CNTNAP2: variants seen among roughly 807,000 people sequenced by gnomAD.
The protein encoded by CNTNAP2 is contactin associated protein 2.
In CNTNAP2, 98 loss-of-function variants were observed where a neutral mutation model predicts 155.2. That is an observed-to-expected ratio of 0.63 (90% CI 0.54 to 0.75). The LOEUF is 0.75. Ranked by LOEUF, CNTNAP2 falls within the 30% of genes least tolerant of loss-of-function variation. The probability of loss-of-function intolerance (pLI) is 0.00; values close to 1 mark genes in which losing one functional copy is unlikely to be tolerated. For synonymous variants in CNTNAP2, 651 were observed against 631.2 expected (o/e 1.03, Z -0.47); for missense variants, 1,727 against 1,688.1 (o/e 1.02, Z -0.40).
intron 21 of CNTNAP2, among the ~76,000 whole-genome samples, chr7:148,284,808 T>G (rs1797052949): frequency 6.6e-6 from 1 of 152,050 alleles, no homozygotes; most frequent in South Asian, 2.1e-4. Flanking sequence ...CAAATTGGAA[T>G]AAAAAGAAAT....
At chr7:147,823,012 A>G (rs1563101543) in intron 13 of CNTNAP2, among the ~76,000 whole-genome samples, 1 of 152,198 alleles carries the variant, frequency 6.6e-6, no homozygotes, top group Non-Finnish European at 1.5e-5. Flanking sequence ...CTGATTCTGG[A>G]TAATAAAGCT....
chr7:147,631,959 A>G (rs968253867), intron 12 of CNTNAP2, among the ~76,000 whole-genome samples: 20 of 152,324 alleles, frequency 1.3e-4, no homozygotes, highest in African/African-American at 4.8e-4. Flanking sequence ...AAGCAAATGC[A>G]CCAAAAACAA....
intron 11 of CNTNAP2, among the ~76,000 whole-genome samples, chr7:147,526,333 G>C (rs1799318725): frequency 6.6e-6 from 1 of 152,082 alleles, no homozygotes; most frequent in African/African-American, 2.4e-5. Context: ...TTTCTCTTGT[G>C]GACTAAGGAG....
intron 1 of CNTNAP2, among the ~76,000 whole-genome samples, chr7:146,410,065 C>T (rs1563073610): frequency 6.6e-6 from 1 of 152,134 alleles, no homozygotes; most frequent in Non-Finnish European, 1.5e-5. Flanking sequence ...AGTAAAGTAT[C>T]TATTCCAACT....
intron 3 of CNTNAP2, among the ~76,000 whole-genome samples, chr7:146,950,656 G>T (rs932756590): frequency 3.9e-5 from 6 of 152,098 alleles, no homozygotes; most frequent in African/African-American, 1.4e-4. Flanking sequence ...ATATTCCATG[G>T]TGTATATGTG....
At chr7:146,831,563 C>G (rs1234144821) in intron 2 of CNTNAP2, among the ~76,000 whole-genome samples, 3 of 149,372 alleles carry the variant, frequency 2.0e-5, no homozygotes, top group Non-Finnish European at 4.4e-5. Flanking sequence ...GTAATCCCAG[C>G]TACTTGGGAG....
intron 13 of CNTNAP2, among the ~76,000 whole-genome samples, chr7:147,861,999 C>CAAAAAAAAAAAAAAAAAAAAAAAAAA (rs57139075): frequency 2.1e-5 from 2 of 94,962 alleles, no homozygotes; most frequent in Non-Finnish European, 2.1e-5. Context: ...CTCCATCTCA[C>CAAAAAAAAAAAAAAAAAAAAAAAAAA]AAAAAAAAAA....
At chr7:146,688,941 T>C (rs1319550275) in intron 1 of CNTNAP2, among the ~76,000 whole-genome samples, 1 of 152,140 alleles carries the variant, frequency 6.6e-6, no homozygotes, top group African/African-American at 2.4e-5. Flanking sequence ...AAAACTAAGA[T>C]ATTTAGCTAT....
chr7:148,087,067 A>C (rs183344497), intron 15 of CNTNAP2, among the ~76,000 whole-genome samples: 76 of 152,260 alleles, frequency 5.0e-4, no homozygotes, highest in African/African-American at 1.8e-3. Context: ...CTAGGAGATA[A>C]TGCATTGAGT....
chr7:146,525,051 A>G (rs1021128855), intron 1 of CNTNAP2, among the ~76,000 whole-genome samples: 7 of 152,124 alleles, frequency 4.6e-5, no homozygotes, highest in African/African-American at 1.7e-4. Flanking sequence ...ACTATTTTCT[A>G]GAATAAAAAG....
At chr7:148,068,801 G>T (rs1297430387) in intron 15 of CNTNAP2, among the ~76,000 whole-genome samples, 1 of 152,170 alleles carries the variant, frequency 6.6e-6, no homozygotes, top group Non-Finnish European at 1.5e-5. Flanking sequence ...TGTTCCCTCA[G>T]CTCCTTTCAG....
At chr7:148,306,630 T>A (rs1797496527) in intron 21 of CNTNAP2, among the ~76,000 whole-genome samples, 2 of 152,150 alleles carry the variant, frequency 1.3e-5, no homozygotes, top group African/African-American at 2.4e-5. Flanking sequence ...ATGTTCCTTT[T>A]TTTAAATCAT....
chr7:146,166,794 TAGA>T (rs1798318514), intron 1 of CNTNAP2, among the ~76,000 whole-genome samples: 2 of 152,280 alleles, frequency 1.3e-5, no homozygotes, highest in African/African-American at 2.4e-5. Context: ...AATCTTTCTG[TAGA>T]AGAAGAAACA....
intron 21 of CNTNAP2, among the ~76,000 whole-genome samples, chr7:148,302,355 GA>G (rs2116501585): frequency 6.6e-6 from 1 of 152,310 alleles, no homozygotes; most frequent in African/African-American, 2.4e-5. Flanking sequence ...AACATGAAAT[GA>G]AAAGTCTAAT....
At chr7:148,345,176 G>A (rs1236328124) in intron 21 of CNTNAP2, among the ~76,000 whole-genome samples, 1 of 152,086 alleles carries the variant, frequency 6.6e-6, no homozygotes, top group East Asian at 1.9e-4. Context: ...AACTCTCTGC[G>A]GGGTTCACAT....
intron 20 of CNTNAP2, among the ~76,000 whole-genome samples, chr7:148,260,739 G>A (rs11773726): frequency 6.6e-6 from 1 of 152,072 alleles, no homozygotes; most frequent in African/African-American, 2.4e-5. Flanking sequence ...CCGTAATGGA[G>A]GCAAAGCTGC....
intron 1 of CNTNAP2, among the ~76,000 whole-genome samples, chr7:146,626,622 CCAATG>C (rs1799423900): frequency 6.6e-6 from 1 of 151,896 alleles, no homozygotes; most frequent in Non-Finnish European, 1.5e-5. Flanking sequence ...CTCAATGTAT[CCAATG>C]CTTAGTTATT....
intron 1 of CNTNAP2, among the ~76,000 whole-genome samples, chr7:146,246,151 G>A (rs148520125): frequency 9.8e-4 from 149 of 151,928 alleles, no homozygotes; most frequent in Non-Finnish European, 1.9e-3. Flanking sequence ...TGGGGTAAGG[G>A]TGATTAGGTT....
At chr7:146,763,211 A>T (rs1802135003) in intron 1 of CNTNAP2, among the ~76,000 whole-genome samples, 1 of 151,766 alleles carries the variant, frequency 6.6e-6, no homozygotes. Flanking sequence ...GAACATACCC[A>T]CCTTGTTCCT....
Sources: gnomAD v4.1 joint callset for allele counts (sites outside exome capture counted in the v4.1 genomes callset) on GRCh38, gnomAD v4.1.1 for gene constraint, MANE v1.5 for transcripts, NCBI Gene and HGNC (gene_info 2026-07-23, HGNC 2026-07-21) for gene names.